The following PRKAG3 variants were observed in gnomAD, a reference collection of about 807,000 sequenced individuals.
The protein encoded by PRKAG3 is 5'-AMP-activated protein kinase subunit gamma-3.
A neutral mutation model predicts 56.5 loss-of-function variants in PRKAG3; 39 were observed. The ratio of observed to expected loss-of-function variants is 0.69; its 90% confidence interval spans 0.53 to 0.90. PRKAG3 has a LOEUF of 0.90. Among genes scored for constraint, PRKAG3 ranks in the 40% least tolerant of loss-of-function variants. The pLI, the probability that PRKAG3 is intolerant of heterozygous loss-of-function variation, is 0.00. For synonymous variants in PRKAG3, 243 were observed against 250.1 expected, an observed-to-expected ratio of 0.97 and a Z score of 0.27; for missense variants, 628 against 627.5, an observed-to-expected ratio of 1.00 and a Z score of -0.01.
At chr2:218,828,722 C>T in intron 4 of PRKAG3, 122 bp from the exon 5 acceptor site, 1 of 782,434 alleles carries the variant, frequency 1.3e-6, no homozygotes, top group Non-Finnish European at 2.0e-6. Flanking sequence ...AGGGTTCTTC[C>T]ATGGGGCCTT....
In PRKAG3 at chr2:218,827,469, T is replaced by G; in HGVS notation, c.876-96A>C. 1 of 1,603,946 alleles carries G rather than the reference T, an allele frequency of 6.2e-7. No individual in the cohort carries two copies. The highest frequency in any genetic ancestry group is 8.5e-7 in the Non-Finnish European group (1 of 1,171,242). ...AGGAGGGCAGGGCACCAAGGCTCCC[T>G]TGTCTGTGTGCCGCCTAGGATGAAG... On this transcript the variant is annotated intron_variant, in intron 8 of 12. Coordinates refer to ENST00000529249, the Ensembl canonical transcript of PRKAG3. The surrounding 1 kb of genome is among the most constrained non-coding windows in gnomAD (Gnocchi z 5.3).
intron 11 of PRKAG3, 36 bp downstream of exon 11, chr2:218,824,503 C>T: frequency 1.9e-6 from 3 of 1,608,520 alleles, no homozygotes; most frequent in African/African-American, 1.3e-5. Flanking sequence ...CACCCTTAGC[C>T]TCCCTGCAGC....
rs147623666 is a variant in PRKAG3, at chr2:218,829,068, A to AT, written c.634-469dup. Among the ~76,000 whole-genome samples, 1,427 of 152,236 alleles carry AT rather than the reference A, an allele frequency of 9.4e-3. 17 individuals are homozygous for AT. Among genetic ancestry groups the AT allele is most frequent in the African/African-American group, 0.033 (1,377 of 41,538 alleles). Reference sequence around the variant, plus strand: ...AGTACTATCTGCACATGCTGGTTATATTTTTTTAACACAGCCTAAAACAAA... The same window carrying AT: ...AGTACTATCTGCACATGCTGGTTATATTTTTTTTAACACAGCCTAAAACAAA... On this transcript the variant is annotated intron_variant, in intron 4 of 12. Coordinates refer to ENST00000529249, the Ensembl canonical transcript of PRKAG3.
downstream of PRKAG3, chr2:218,823,126 G>T (rs1943879030): frequency 1.1e-6 from 1 of 893,792 alleles, no homozygotes; most frequent in Non-Finnish European, 1.3e-6. Flanking sequence ...AGGGACAGCG[G>T]CCTTTCCAAC....
exon 13 of PRKAG3, chr2:218,823,715 T>G: frequency 6.2e-7 from 1 of 1,612,524 alleles, no homozygotes; most frequent in East Asian, 2.2e-5. Context: ...TTCCCTTCAT[T>G]GGCTTCCAGG....
At position 218,827,137 on chromosome 2, in the gene PRKAG3, T is replaced by A; in HGVS notation, c.1003-44A>T. On this transcript the variant is annotated intron_variant, in intron 9 of 12. Coordinates refer to ENST00000529249, the Ensembl canonical transcript of PRKAG3. This position sits in a 1 kb window ranked among gnomAD's most constrained non-coding sequence, Gnocchi z 5.3. Reference sequence around the variant, plus strand: ...AGGTGGAGATCAGGGATCCAGCAGCTTCAAGAGGGCTCCCAGCTCTTCCCC... The same window carrying A: ...AGGTGGAGATCAGGGATCCAGCAGCATCAAGAGGGCTCCCAGCTCTTCCCC... 1 of 1,612,696 alleles carries A rather than the reference T, an allele frequency of 6.2e-7. No homozygotes were observed. Among genetic ancestry groups the A allele is most frequent in the Non-Finnish European group, 8.5e-7 (1 of 1,179,906 alleles).
At chr2:218,830,086 T>A (rs769119190) in exon 4 of PRKAG3, 17 of 1,612,662 alleles carry the variant, frequency 1.1e-5, no homozygotes, top group Non-Finnish European at 1.2e-5. Flanking sequence ...GTTTCCGCAG[T>A]TCGTCATCCC....
Position 218,830,667 on chromosome 2 carries a change from G to A in PRKAG3, c.229+79C>T, listed in dbSNP as rs941767090. The A allele has an allele frequency of 3.9e-4, 589 of 1,517,216 alleles. 1 individual carries two copies. Among genetic ancestry groups the A allele is most frequent in the Non-Finnish European group, 4.9e-4 (551 of 1,119,866 alleles). 94.0% of individuals were successfully genotyped at this position (1,517,216 alleles called of 1,614,324 possible). ...AACTCTGTGTTATGGAGGGACCTGA[G>A]GTAGAGACCAGACCCAGGCTCCTCT... is the stretch of plus-strand genomic sequence containing the variant. On this transcript the variant is annotated intron_variant, in intron 3 of 12. Transcript: ENST00000529249.
chr2:218,830,655 G>A (rs868680612), intron 3 of PRKAG3, 91 bp downstream of exon 3: 2 of 1,461,020 alleles, frequency 1.4e-6, no homozygotes, highest in Admixed American at 4.0e-5. Flanking sequence ...TCTGTGTTAT[G>A]GAGGGACCTG....
chr2:218,828,493 C>A, intron 5 of PRKAG3, 26 bp downstream of exon 5: 1 of 1,599,780 alleles, frequency 6.3e-7, no homozygotes, highest in South Asian at 1.1e-5. Context: ...CCTCCATCTC[C>A]CTTCACCTCC....
chr2:218,829,460 A>T (rs2105988964), intron 4 of PRKAG3, among the ~76,000 whole-genome samples: 1 of 151,584 alleles, frequency 6.6e-6, no homozygotes. Flanking sequence ...AGCTGGGATT[A>T]CAGGCGCCCA....
chr2:218,822,836 C>T (rs572243727), downstream of PRKAG3: 63 of 959,444 alleles, frequency 6.6e-5, 1 homozygote, highest in South Asian at 1.2e-3. Context: ...GCCCAGAAAC[C>T]GAGGAATCCA....
chr2:218,827,436 C>T lies in PRKAG3; in HGVS notation c.876-63G>A, dbSNP rs1466017202. The T allele has an allele frequency of 2.5e-6, 4 of 1,611,864 alleles. No homozygotes were observed. The highest frequency in any genetic ancestry group is 3.4e-6 in the Non-Finnish European group (4 of 1,178,264). On this transcript the variant is annotated intron_variant, in intron 8 of 12. Transcript: ENST00000529249. The surrounding 1 kb of genome is among the most constrained non-coding windows in gnomAD (Gnocchi z 5.3). ...GGGAGAGACAACCTCCATCCCAGGC[C>T]CCTAAAAAGGAGGGCAGGGCACCAA...
intron 1 of PRKAG3, 99 bp downstream of exon 1, chr2:218,831,639 C>T (rs1944021116): frequency 2.7e-6 from 4 of 1,465,480 alleles, no homozygotes; most frequent in South Asian, 2.4e-5. Context: ...ACCAAACACA[C>T]ACCAGAAGAC....
chr2:218,824,651 A>G lies in PRKAG3; in HGVS notation c.1169-75T>C, dbSNP rs925711349. ...TCCGGTCAGAACCGGGGTGCTGTGT[A>G]GAGGGCCTAGGGCTATTTGCATCAG... On this transcript the variant is annotated intron_variant, in intron 10 of 12. Transcript: ENST00000529249. 3 of 1,353,792 alleles carry G rather than the reference A, an allele frequency of 2.2e-6. No individual in the cohort carries two copies. The African/African-American group carries it at 4.3e-5, about 19-fold the overall frequency. 83.9% of individuals were successfully genotyped at this position (1,353,792 alleles called of 1,614,324 possible).
At position 218,825,725 on chromosome 2, in the gene PRKAG3, T is replaced by G. The variant is rs549972438; in HGVS notation, c.1169-1149A>C. 4.3e-4 allele frequency among the ~76,000 whole-genome samples: 66 copies of G among 151,836 alleles called. No individual in the cohort carries two copies. The Middle Eastern group carries it at 0.021, about 48-fold the overall frequency. On this transcript the variant is annotated intron_variant, in intron 10 of 12. Coordinates refer to ENST00000529249, the Ensembl canonical transcript of PRKAG3. ...AAGGATTGGATGTCAGACAATAATATGAATTATTCATGGTTTTGTTTGGTG... is the reference window on the plus strand; with the variant it reads ...AAGGATTGGATGTCAGACAATAATAGGAATTATTCATGGTTTTGTTTGGTG...
Position 218,824,649 on chromosome 2 carries a change from G to A in PRKAG3, c.1169-73C>T, listed in dbSNP as rs1943906146. On this transcript the variant is annotated intron_variant, in intron 10 of 12. Coordinates refer to ENST00000529249, the Ensembl canonical transcript of PRKAG3. ...GCTCCGGTCAGAACCGGGGTGCTGTGTAGAGGGCCTAGGGCTATTTGCATC... is the reference window on the plus strand; with the variant it reads ...GCTCCGGTCAGAACCGGGGTGCTGTATAGAGGGCCTAGGGCTATTTGCATC... 6 of 1,370,384 alleles carry A rather than the reference G, an allele frequency of 4.4e-6. No homozygotes were observed. In the East Asian group the frequency reaches 1.4e-4, roughly 31 times the overall value. 84.9% of individuals were successfully genotyped at this position (1,370,384 alleles called of 1,614,324 possible). A position where few individuals can be genotyped will look rare whatever the true frequency, so the allele number is the denominator to read the frequency against.
intron 4 of PRKAG3, among the ~76,000 whole-genome samples, chr2:218,829,097 A>G (rs1041179491): frequency 3.9e-5 from 6 of 152,228 alleles, no homozygotes; most frequent in Admixed American, 6.5e-5. Context: ...AAACAAATAT[A>G]AAGCTACTGA....
chr2:218,827,097 G>C lies in PRKAG3; in HGVS notation c.1003-4C>G. On this transcript the variant is annotated splice_polypyrimidine_tract_variant and splice_region_variant and intron_variant, in intron 9 of 12. Coordinates refer to ENST00000529249, the Ensembl canonical transcript of PRKAG3. This position sits in a 1 kb window ranked among gnomAD's most constrained non-coding sequence, Gnocchi z 5.3. ...AGGGCCGGGGCAGCAGGGAACCCTG[G>C]TTAGGATGGGGACCAGGTGGAGATC... The C allele has an allele frequency of 1.9e-6, 3 of 1,613,080 alleles. No homozygotes were observed. Among genetic ancestry groups the C allele is most frequent in the Non-Finnish European group, 2.5e-6 (3 of 1,180,030 alleles).
Sources: allele counts gnomAD v4.1 joint callset (sites outside exome capture counted in the v4.1 genomes callset), GRCh38; gene constraint gnomAD v4.1.1; non-coding constraint Gnocchi (gnomAD v3.1); transcripts MANE v1.5; gene names NCBI Gene and HGNC (gene_info 2026-07-23, HGNC 2026-07-21).